Variants in GLIS3 observed in about 807,000 individuals in gnomAD.
GLIS3 encodes zinc finger protein GLIS3.
In GLIS3, 53 loss-of-function variants were observed where a neutral mutation model predicts 78.6. The ratio of observed to expected loss-of-function variants is 0.67; its 90% CI spans 0.54 to 0.85. The LOEUF (loss-of-function observed/expected upper bound fraction) is 0.85. Ranked by LOEUF, GLIS3 falls within the 40% of genes least tolerant of loss-of-function variation. The pLI is 0.00. For synonymous variants in GLIS3, 684 were observed against 509.9 expected (o/e 1.34, Z -4.60); for missense variants, 1,703 against 1,231.1 (o/e 1.38, Z -5.74).
intron 1 of GLIS3, among the ~76,000 whole-genome samples, chr9:4,295,594 A>G (rs963711206): frequency 6.6e-6 from 1 of 152,214 alleles, no homozygotes; most frequent in Admixed American, 6.5e-5. Flanking sequence ...TATCTGTTAG[A>G]AACCAGGGCA....
chr9:4,490,085 C>G, the GLIS3 span, among the ~76,000 whole-genome samples: 2 of 152,300 alleles, frequency 1.3e-5, no homozygotes, highest in East Asian at 1.9e-4. Flanking sequence ...CTGCAGGTGC[C>G]GGCGCTGGAA....
chr9:4,445,262 T>C, the GLIS3 span, among the ~76,000 whole-genome samples: 3 of 152,204 alleles, frequency 2.0e-5, no homozygotes, highest in East Asian at 5.8e-4. Context: ...TGTAAAGTGC[T>C]GTAGCATTTT....
At chr9:4,417,968 T>G in the GLIS3 span, among the ~76,000 whole-genome samples, 1 of 152,232 alleles carries the variant, frequency 6.6e-6, no homozygotes, top group African/African-American at 2.4e-5. Flanking sequence ...ACTCTTTTTG[T>G]GAGGAAACTT....
At chr9:4,298,404 A>T (rs1284039871) in intron 1 of GLIS3, 1 of 456,278 alleles carries the variant, frequency 2.2e-6, no homozygotes, top group Admixed American at 2.4e-5. Context: ...CATCCATAGG[A>T]TGACAAATCA....
At chr9:4,318,619 A>G (rs1817474577) in intron 2 of GLIS3, among the ~76,000 whole-genome samples, 1 of 152,214 alleles carries the variant, frequency 6.6e-6, no homozygotes, top group African/African-American at 2.4e-5. Context: ...AGATGTTCAC[A>G]CAGAGATAAA....
intron 4 of GLIS3, among the ~76,000 whole-genome samples, chr9:4,008,024 C>T (rs1369150373): frequency 6.6e-6 from 1 of 152,092 alleles, no homozygotes; most frequent in East Asian, 1.9e-4. Context: ...TCCCTCTGCA[C>T]CTAAGCTCCC....
intron 4 of GLIS3, among the ~76,000 whole-genome samples, chr9:4,078,531 C>A (rs1350896946): frequency 2.0e-5 from 3 of 152,196 alleles, no homozygotes; most frequent in Admixed American, 6.5e-5. Flanking sequence ...AACACAGGAA[C>A]CACCACAGGC....
At chr9:4,167,443 T>C (rs1238654276) in intron 2 of GLIS3, among the ~76,000 whole-genome samples, 1 of 152,202 alleles carries the variant, frequency 6.6e-6, no homozygotes, top group African/African-American at 2.4e-5. Flanking sequence ...TGATTTCACA[T>C]ATATCCTCAC....
At chr9:4,397,189 C>T in the GLIS3 span, among the ~76,000 whole-genome samples, 202 of 141,438 alleles carry the variant, frequency 1.4e-3, 18 homozygotes, top group African/African-American at 5.3e-3. Flanking sequence ...CTACGCCCGG[C>T]TAATTTTTTG....
chr9:3,952,011 G>C (rs1429678053), intron 4 of GLIS3, among the ~76,000 whole-genome samples: 1 of 151,990 alleles, frequency 6.6e-6, no homozygotes, highest in Non-Finnish European at 1.5e-5. Flanking sequence ...TGGTGAGAGA[G>C]AGAGGGGAAA....
the GLIS3 span, among the ~76,000 whole-genome samples, chr9:4,488,204 C>T: frequency 6.6e-6 from 1 of 152,156 alleles, no homozygotes; most frequent in Non-Finnish European, 1.5e-5. Flanking sequence ...GTCCTACCAT[C>T]TCGGCTTCCC....
intron 2 of GLIS3, among the ~76,000 whole-genome samples, chr9:4,340,398 C>G (rs1420641685): frequency 1.3e-5 from 2 of 151,978 alleles, no homozygotes; most frequent in Non-Finnish European, 2.9e-5. Flanking sequence ...TTCAACTTCC[C>G]AATTAAAAGG....
At chr9:4,055,167 T>C (rs1826045480) in intron 4 of GLIS3, among the ~76,000 whole-genome samples, 1 of 152,198 alleles carries the variant, frequency 6.6e-6, no homozygotes, top group South Asian at 2.1e-4. Context: ...CAACTGGGGC[T>C]CCTTGCTTCT....
At chr9:4,285,320 C>T (rs942608766) in intron 2 of GLIS3, among the ~76,000 whole-genome samples, 1 of 152,134 alleles carries the variant, frequency 6.6e-6, no homozygotes, top group Non-Finnish European at 1.5e-5. Flanking sequence ...ACTTGCTATT[C>T]ACCAACAATT....
At position 4,085,800 on chromosome 9, in the gene GLIS3, C is replaced by T. The variant is rs190240393; in HGVS notation, c.1710+31968G>A. ...ACTCTCTCTCTTGCTCCTGCTTTTG[C>T]TAAGTGATGTTCATGTCGCCTGCTT... is the stretch of plus-strand genomic sequence containing the variant. On this transcript the variant is annotated intron_variant, in intron 4 of 10. Transcript: ENST00000381971. 1.7e-3 allele frequency among the ~76,000 whole-genome samples: 261 copies of T among 152,244 alleles called. 2 individuals carry two copies. Among genetic ancestry groups the T allele is most frequent in the Non-Finnish European group, 1.6e-3 (112 of 68,024 alleles).
At chr9:4,388,298 C>T in the GLIS3 span, among the ~76,000 whole-genome samples, 13 of 152,026 alleles carry the variant, frequency 8.6e-5, no homozygotes, top group East Asian at 1.9e-4. Context: ...TCTGTGAACT[C>T]GGGAAAAGCT....
At chr9:4,437,326 A>C in the GLIS3 span, among the ~76,000 whole-genome samples, 1 of 152,170 alleles carries the variant, frequency 6.6e-6, no homozygotes, top group Non-Finnish European at 1.5e-5. Flanking sequence ...TAACCATCAA[A>C]ATATTTGTAT....
rs980332995 is a variant in GLIS3 at position 4,154,206 on chromosome 9, A to T, written c.389-28265T>A. ...ACTTCTACTGTATGTAATTGGCCCA[A>T]ACAGTCTTGGAACCCATGCAAATTC... On this transcript the variant is annotated intron_variant, in intron 2 of 10. Transcript: ENST00000381971. 5.3e-5 allele frequency among the ~76,000 whole-genome samples: 8 copies of T among 152,274 alleles called. No individual in the cohort carries two copies. The South Asian group carries it at 1.7e-3, about 32-fold the overall frequency.
chr9:3,872,378 C>G (rs746124670), intron 8 of GLIS3, among the ~76,000 whole-genome samples: 5 of 152,164 alleles, frequency 3.3e-5, no homozygotes, highest in Non-Finnish European at 7.3e-5. Context: ...TAGCAATTTA[C>G]TTTATTAGTC....
Sources: allele counts gnomAD v4.1 joint callset (sites outside exome capture counted in the v4.1 genomes callset), GRCh38; gene constraint gnomAD v4.1.1; transcripts MANE v1.5; gene names NCBI Gene and HGNC (gene_info 2026-07-23, HGNC 2026-07-21).